METTL9: variants seen among roughly 807,000 people sequenced by gnomAD.
The protein encoded by METTL9 is protein-L-histidine N-pros-methyltransferase.
A neutral mutation model predicts 36.0 loss-of-function variants in METTL9; 10 were observed. That is an observed-to-expected ratio of 0.28 (90% CI 0.17 to 0.47). METTL9 has a LOEUF of 0.47. METTL9 is among the 20% of genes least tolerant of loss of function. The probability of loss-of-function intolerance (pLI) is 0.99; values close to 1 mark genes in which losing one functional copy is unlikely to be tolerated. For missense variants in METTL9, 246 were observed against 383.5 expected (o/e 0.64, Z 3.00); for synonymous variants, 175 against 149.7 (o/e 1.17, Z -1.23).
chr16:21,621,663 A>G (rs1182611527), intron 3 of METTL9, among the ~76,000 whole-genome samples: 1 of 152,070 alleles, frequency 6.6e-6, no homozygotes, highest in Non-Finnish European at 1.5e-5. Context: ...CAATAAACAG[A>G]AAATGGCCAG....
intron 4 of METTL9, chr16:21,643,662 T>C: frequency 1.9e-6 from 2 of 1,026,036 alleles, no homozygotes; most frequent in East Asian, 2.4e-5. Flanking sequence ...GTGGCAGATA[T>C]CTCATGCCCT....
intron 1 of METTL9, 107 bp downstream of exon 1, chr16:21,600,005 G>T: frequency 1.0e-6 from 1 of 976,230 alleles, no homozygotes; most frequent in Non-Finnish European, 1.3e-6. Flanking sequence ...CCCGGCCCTC[G>T]CCCCTCCGCC....
At chr16:21,633,554 A>G (rs539411489) in intron 4 of METTL9, among the ~76,000 whole-genome samples, 5 of 152,296 alleles carry the variant, frequency 3.3e-5, no homozygotes, top group Admixed American at 3.3e-4. Flanking sequence ...AGGGTAATAC[A>G]GAAGAAGGCA....
At chr16:21,605,273 T>G (rs1188545692) in intron 1 of METTL9, among the ~76,000 whole-genome samples, 2 of 113,642 alleles carry the variant, frequency 1.8e-5, no homozygotes, top group East Asian at 4.7e-4. Context: ...TTTTTTTTTT[T>G]TTTTTTTTTT....
intron 1 of METTL9, among the ~76,000 whole-genome samples, chr16:21,609,842 G>A (rs1467685874): frequency 6.6e-6 from 1 of 152,138 alleles, no homozygotes; most frequent in Non-Finnish European, 1.5e-5. Context: ...GGGTAGTGAT[G>A]TGATCAGATT....
intron 3 of METTL9, among the ~76,000 whole-genome samples, chr16:21,619,156 C>G (rs1217384789): frequency 6.6e-6 from 1 of 152,140 alleles, no homozygotes. Context: ...ACTTGAGCCC[C>G]TACTTTTACT....
chr16:21,609,719 T>G (rs1965382652), intron 1 of METTL9, among the ~76,000 whole-genome samples: 1 of 151,786 alleles, frequency 6.6e-6, no homozygotes. Context: ...GGTCATGGGT[T>G]GGTAGGGAAT....
chr16:21,629,922 T>G (rs1363090522), intron 4 of METTL9, among the ~76,000 whole-genome samples: 1 of 152,194 alleles, frequency 6.6e-6, no homozygotes, highest in Non-Finnish European at 1.5e-5. Context: ...TGCTGATTGG[T>G]GCGTTTACAA....
chr16:21,645,581 G>T (rs1410350896), intron 4 of METTL9, among the ~76,000 whole-genome samples: 11 of 152,194 alleles, frequency 7.2e-5, no homozygotes, highest in Non-Finnish European at 1.6e-4. Context: ...AAAAGCTTCA[G>T]TGTGAAAATA....
intron 1 of METTL9, among the ~76,000 whole-genome samples, chr16:21,603,866 T>C (rs1965205039): frequency 6.6e-6 from 1 of 152,204 alleles, no homozygotes; most frequent in Non-Finnish European, 1.5e-5. Flanking sequence ...AGTATGTGTA[T>C]ATTTTTGTGA....
At position 21,599,930 on chromosome 16, in the gene METTL9, C is replaced by T. The variant is rs1199599899; in HGVS notation, c.165+32C>T. ...GCTGGGGCCGGGGCCGGGGCGGGGG[C>T]GTGGCGGCCCGGCCTTCCCGCGCTG... On this transcript the variant is annotated intron_variant, in intron 1 of 4. Coordinates refer to ENST00000358154, the MANE Select transcript of METTL9 (RefSeq NM_016025.5). The surrounding 1 kb of genome is among the most constrained non-coding windows in gnomAD (Gnocchi z 4.4). The T allele has an allele frequency of 3.1e-6, 4 of 1,300,746 alleles. No individual in the cohort carries two copies. Among genetic ancestry groups the T allele is most frequent in the Non-Finnish European group, 2.9e-6 (3 of 1,030,248 alleles). The allele number at this position is 1,300,746 out of a possible 1,614,324, so 80.6% of individuals were successfully genotyped here. A position where few individuals can be genotyped will look rare whatever the true frequency, so the allele number is the denominator to read the frequency against.
chr16:21,651,459 G>A (rs565292793), intron 4 of METTL9, among the ~76,000 whole-genome samples: 9 of 151,910 alleles, frequency 5.9e-5, no homozygotes, highest in Non-Finnish European at 1.2e-4. Context: ...GTGCCATCAC[G>A]CCCAGCTATT....
In METTL9 at chr16:21,599,977, G is replaced by C. The variant is rs1014732907; in HGVS notation, c.165+79G>C. On this transcript the variant is annotated intron_variant, in intron 1 of 4. Coordinates refer to ENST00000358154, the MANE Select transcript of METTL9 (RefSeq NM_016025.5). The surrounding 1 kb of genome is among the most constrained non-coding windows in gnomAD (Gnocchi z 4.4). ...GCTGGGCCCGGCTATTGTGCGGGAC[G>C]GCTCCGCGAGGGGGCGGCCCGGCCC... 8.7e-7 allele frequency: 1 copy of C among 1,153,018 alleles called. No homozygotes were observed. The highest frequency in any genetic ancestry group is 1.1e-6 in the Non-Finnish European group (1 of 925,140). The allele number at this position is 1,153,018 out of a possible 1,614,324, so 71.4% of individuals were successfully genotyped here.
At chr16:21,604,657 G>A (rs1027101105) in intron 1 of METTL9, among the ~76,000 whole-genome samples, 4 of 152,178 alleles carry the variant, frequency 2.6e-5, no homozygotes, top group Non-Finnish European at 5.9e-5. Context: ...TTAAATGCAA[G>A]GTGTGCATGG....
chr16:21,641,761 G>T (rs556302688), intron 4 of METTL9, among the ~76,000 whole-genome samples: 1 of 152,202 alleles, frequency 6.6e-6, no homozygotes, highest in Admixed American at 6.5e-5. Context: ...TTTAGAGTAG[G>T]ATGTGGGAAC....
At chr16:21,615,981 T>C (rs1965545566) in intron 2 of METTL9, among the ~76,000 whole-genome samples, 1 of 152,186 alleles carries the variant, frequency 6.6e-6, no homozygotes, top group African/African-American at 2.4e-5. Context: ...AGCATTTCTA[T>C]GGGGGCAGAA....
At chr16:21,642,942 AC>A (rs1966313039) in intron 4 of METTL9, 1 of 587,912 alleles carries the variant, frequency 1.7e-6, no homozygotes. Flanking sequence ...ATATAAAAAT[AC>A]ATTCTTGTGA....
intron 4 of METTL9, among the ~76,000 whole-genome samples, chr16:21,634,503 T>C (rs1966038361): frequency 6.6e-6 from 1 of 152,198 alleles, no homozygotes; most frequent in Non-Finnish European, 1.5e-5. Flanking sequence ...GTGATTGACC[T>C]GCCCCATTTT....
At chr16:21,600,248 G>A (rs1965081762) in intron 1 of METTL9, among the ~76,000 whole-genome samples, 1 of 152,166 alleles carries the variant, frequency 6.6e-6, no homozygotes, top group Non-Finnish European at 1.5e-5. Context: ...AGCGTGGCTG[G>A]GGGCGCCCGC....
Sources: allele counts gnomAD v4.1 joint callset (sites outside exome capture counted in the v4.1 genomes callset), GRCh38; gene constraint gnomAD v4.1.1; non-coding constraint Gnocchi (gnomAD v3.1); transcripts MANE v1.5; gene names NCBI Gene and HGNC (gene_info 2026-07-23, HGNC 2026-07-21).